CAMK2D: variants seen among roughly 807,000 people sequenced by gnomAD.
CAMK2D encodes the protein calcium/calmodulin dependent protein kinase II delta, also known as calcium/calmodulin-dependent protein kinase type II subunit delta.
In CAMK2D, 37 loss-of-function variants were observed where a neutral mutation model predicts 84.0. The ratio of observed to expected loss-of-function variants is 0.44; its 90% CI spans 0.34 to 0.58. CAMK2D has a LOEUF of 0.58. CAMK2D is among the 20% of genes least tolerant of loss of function. CAMK2D has a pLI of 0.02. For synonymous variants in CAMK2D, 202 were observed against 212.5 expected, an observed-to-expected ratio of 0.95 and a Z score of 0.43; for missense variants, 448 against 652.5, an observed-to-expected ratio of 0.69 and a Z score of 3.41.
At chr4:113,733,296 A>G (rs1409627944) in intron 2 of CAMK2D, among the ~76,000 whole-genome samples, 5 of 152,218 alleles carry the variant, frequency 3.3e-5, no homozygotes, top group African/African-American at 1.2e-4. Context: ...CCATTTATTA[A>G]AGGAGCCTTG....
chr4:113,608,111 GA>G (rs1357154827), intron 4 of CAMK2D, among the ~76,000 whole-genome samples: 2 of 152,132 alleles, frequency 1.3e-5, no homozygotes, highest in African/African-American at 2.4e-5. Context: ...TCTGCCTTTG[GA>G]AGTCACTGTG....
chr4:113,464,558 TTAGTTGCATGGTGTAA>T (rs529769315), intron 17 of CAMK2D, among the ~76,000 whole-genome samples: 58 of 152,352 alleles, frequency 3.8e-4, no homozygotes, highest in Non-Finnish European at 6.9e-4. Context: ...GTGGAACTCA[TTAGTTGCATGGTGTAA>T]GGAGAAGGCC....
chr4:113,722,121 TAA>T (rs1360410579), intron 2 of CAMK2D, among the ~76,000 whole-genome samples: 1 of 152,080 alleles, frequency 6.6e-6, no homozygotes, highest in Non-Finnish European at 1.5e-5. Context: ...TGTACAAACT[TAA>T]GAGAGTATAG....
At chr4:113,557,594 T>C (rs1044598816) in intron 4 of CAMK2D, among the ~76,000 whole-genome samples, 1 of 152,246 alleles carries the variant, frequency 6.6e-6, no homozygotes, top group Non-Finnish European at 1.5e-5. Context: ...TATGTCTTTA[T>C]GGAAATCTTA....
chr4:113,543,705 C>T (rs1392815824), intron 6 of CAMK2D, among the ~76,000 whole-genome samples: 1 of 152,118 alleles, frequency 6.6e-6, no homozygotes, highest in Non-Finnish European at 1.5e-5. Flanking sequence ...ACCACCAATT[C>T]ACAAATATCC....
intron 3 of CAMK2D, among the ~76,000 whole-genome samples, chr4:113,653,755 C>T (rs1234678091): frequency 1.3e-5 from 2 of 151,984 alleles, no homozygotes; most frequent in African/African-American, 4.8e-5. Flanking sequence ...GCAATTTACT[C>T]ATTTATAAGT....
intron 4 of CAMK2D, among the ~76,000 whole-genome samples, chr4:113,603,771 TTTTATATATATA>T (rs2098964666): frequency 1.2e-5 from 1 of 86,944 alleles, no homozygotes; most frequent in South Asian, 4.2e-4. Flanking sequence ...TTTCTTGCTA[TTTTATATATATA>T]TATATATATA....
intron 3 of CAMK2D, among the ~76,000 whole-genome samples, chr4:113,646,609 CAGG>C (rs1227337281): frequency 6.6e-6 from 1 of 152,110 alleles, no homozygotes; most frequent in Non-Finnish European, 1.5e-5. Flanking sequence ...AAAGGCCCAG[CAGG>C]AGGATATCAG....
intron 2 of CAMK2D, among the ~76,000 whole-genome samples, chr4:113,669,821 T>C (rs184964517): frequency 6.6e-6 from 1 of 152,294 alleles, no homozygotes; most frequent in East Asian, 1.9e-4. Flanking sequence ...AATGGCCAGA[T>C]AGCCAGGACA....
chr4:113,752,037 A>T (rs2099618519), intron 2 of CAMK2D, among the ~76,000 whole-genome samples: 1 of 151,990 alleles, frequency 6.6e-6, no homozygotes, highest in Non-Finnish European at 1.5e-5. Context: ...CCAGTTAATT[A>T]AAAAACCCCA....
chr4:113,602,909 A>G (rs2098959405), intron 4 of CAMK2D, among the ~76,000 whole-genome samples: 1 of 152,232 alleles, frequency 6.6e-6, no homozygotes. Flanking sequence ...TGTTCAGGTG[A>G]CTGCCCATGT....
At chr4:113,744,474 A>G (rs1457463346) in intron 2 of CAMK2D, among the ~76,000 whole-genome samples, 2 of 152,000 alleles carry the variant, frequency 1.3e-5, no homozygotes, top group African/African-American at 4.8e-5. Flanking sequence ...CATTATCCTA[A>G]TTTCCTTCAT....
At chr4:113,557,747 T>C (rs534555401) in intron 4 of CAMK2D, among the ~76,000 whole-genome samples, 1 of 152,306 alleles carries the variant, frequency 6.6e-6, no homozygotes, top group Admixed American at 6.5e-5. Flanking sequence ...TGCATAGTTT[T>C]GCACCAGTCC....
chr4:113,691,989 A>G (rs949954304), intron 2 of CAMK2D, among the ~76,000 whole-genome samples: 1 of 152,212 alleles, frequency 6.6e-6, no homozygotes, highest in Non-Finnish European at 1.5e-5. Context: ...GAGAAGAAGA[A>G]AGTCAACCAT....
At chr4:113,716,677 C>T (rs1175826626) in intron 2 of CAMK2D, among the ~76,000 whole-genome samples, 2 of 131,264 alleles carry the variant, frequency 1.5e-5, no homozygotes, top group African/African-American at 2.8e-5. Context: ...AAAAGACATA[C>T]ACACAAGCCT....
Position 113,529,779 on chromosome 4 carries a change from T to C in CAMK2D, c.601+1437A>G, listed in dbSNP as rs1052578767. ...GATGGTCAATTTCATTATTTTCCAA[T>C]ATTTACTAGTTCACTCTTAAACTCT... On this transcript the variant is annotated intron_variant, in intron 8 of 20. Coordinates refer to ENST00000511664, the MANE Select transcript of CAMK2D (RefSeq NM_001321571.2). Among the ~76,000 whole-genome samples, 7 of 152,182 alleles carry C rather than the reference T, an allele frequency of 4.6e-5. No homozygotes were observed. The East Asian group carries it at 1.2e-3, about 25-fold the overall frequency.
intron 2 of CAMK2D, among the ~76,000 whole-genome samples, chr4:113,670,409 A>G (rs2099275800): frequency 6.6e-6 from 1 of 152,200 alleles, no homozygotes; most frequent in African/African-American, 2.4e-5. Flanking sequence ...TAGTTGGTGC[A>G]TGTTAAGAAT....
At chr4:113,511,901 A>G (rs1347428616) in intron 12 of CAMK2D, among the ~76,000 whole-genome samples, 1 of 152,190 alleles carries the variant, frequency 6.6e-6, no homozygotes, top group Non-Finnish European at 1.5e-5. Flanking sequence ...AAAGGTGGGG[A>G]GAAAGGTGAC....
chr4:113,590,809 G>T (rs1261109858), intron 4 of CAMK2D, among the ~76,000 whole-genome samples: 2 of 152,036 alleles, frequency 1.3e-5, no homozygotes, highest in African/African-American at 4.8e-5. Context: ...TTAGATCTTT[G>T]CCCTCACTAC....
Sources: allele counts gnomAD v4.1 joint callset (sites outside exome capture counted in the v4.1 genomes callset), GRCh38; gene constraint gnomAD v4.1.1; transcripts MANE v1.5; gene names NCBI Gene and HGNC (gene_info 2026-07-23, HGNC 2026-07-21).